The following KIAA2012 variants were observed in gnomAD, a reference collection of about 807,000 sequenced individuals.
KIAA2012 encodes uncharacterized protein KIAA2012.
A neutral mutation model predicts 150.6 loss-of-function variants in KIAA2012; 125 were observed. The ratio of observed to expected loss-of-function variants is 0.83; its 90% CI spans 0.72 to 0.96. The LOEUF is 0.96. Among genes scored for constraint, KIAA2012 ranks in the 40% least tolerant of loss-of-function variants. The probability of loss-of-function intolerance (pLI) is 0.00; values close to 1 mark genes in which losing one functional copy is unlikely to be tolerated. For missense variants in KIAA2012, 1,219 were observed against 1,354.9 expected (o/e 0.90, Z 1.57); for synonymous variants, 462 against 504.7 (o/e 0.92, Z 1.13).
At chr2:202,179,267 T>G (rs1692066462) in intron 15 of KIAA2012, 1 of 1,082,190 alleles carries the variant, frequency 9.2e-7, no homozygotes, top group African/African-American at 1.6e-5. Flanking sequence ...AAACTGTACA[T>G]ACTTGTGCTT....
chr2:202,082,219 T>C (rs2105910144), intron 2 of KIAA2012, among the ~76,000 whole-genome samples: 1 of 152,206 alleles, frequency 6.6e-6, no homozygotes, highest in South Asian at 2.1e-4. Context: ...TTCTGAATAA[T>C]TGGTTCATGC....
chr2:202,201,977 T>C, intron 22 of KIAA2012: 1 of 652,200 alleles, frequency 1.5e-6, no homozygotes, highest in Non-Finnish European at 2.7e-6. Context: ...CACGTGACAG[T>C]CCATCTGTCT....
At position 202,075,113 on chromosome 2, in the gene KIAA2012, G is replaced by C. The variant is rs16838742; in HGVS notation, c.307G>C (p.Asp103His). ...YCPRGPWRKL[D>H]LELHTLQDLK... ...CCCCAGAGGTCCCTGGAGGAAGCTG[G>C]ATCTTGAACTGCACACACTTCAAGA... The change falls in exon 2 of 24, where the codon GAT (aspartate) becomes CAT (histidine). Residue 103 changes from aspartate to histidine, a missense_variant. Asp to His is a moderately conservative substitution (Grantham distance 81). Coordinates refer to ENST00000498697, the MANE Select transcript of KIAA2012 (RefSeq NM_001277372.4). 0.095 allele frequency: 147,451 copies of C among 1,550,288 alleles called. 10,353 individuals carry two copies. Among genetic ancestry groups the C allele is most frequent in the East Asian group, 0.35 (14,311 of 40,898 alleles).
At chr2:202,082,117 C>A (rs1407929705) in intron 2 of KIAA2012, among the ~76,000 whole-genome samples, 1 of 152,132 alleles carries the variant, frequency 6.6e-6, no homozygotes, top group East Asian at 1.9e-4. Flanking sequence ...ATTTGTATAT[C>A]TTTTCTAAAG....
intron 15 of KIAA2012, among the ~76,000 whole-genome samples, chr2:202,172,745 C>CA (rs1232907432): frequency 2.0e-5 from 3 of 152,194 alleles, no homozygotes; most frequent in African/African-American, 7.2e-5. Flanking sequence ...TTCCTCCTAA[C>CA]ACTGTGGAGA....
chr2:202,194,781 T>G (rs1692384740), intron 21 of KIAA2012, among the ~76,000 whole-genome samples: 1 of 151,644 alleles, frequency 6.6e-6, no homozygotes, highest in African/African-American at 2.4e-5. Flanking sequence ...TTGTTTTTGT[T>G]TTTTTGAGTC....
intron 4 of KIAA2012, among the ~76,000 whole-genome samples, chr2:202,095,852 GGC>G (rs1689857444): frequency 6.6e-6 from 1 of 152,174 alleles, no homozygotes; most frequent in Non-Finnish European, 1.5e-5. Context: ...GGTAGGTTGA[GGC>G]GGGTGGATCA....
intron 3 of KIAA2012, 111 bp from the exon 4 acceptor site, chr2:202,092,919 G>A (rs1047032904): frequency 1.2e-5 from 10 of 851,008 alleles, no homozygotes; most frequent in African/African-American, 1.0e-4. Flanking sequence ...CTTCCCTAAT[G>A]GGCAATGTCC....
chr2:202,097,331 G>A (rs1456980186), intron 4 of KIAA2012, 104 bp from the exon 5 acceptor site: 2 of 1,496,162 alleles, frequency 1.3e-6, no homozygotes, highest in Non-Finnish European at 1.8e-6. Flanking sequence ...GGAGGGCCTT[G>A]AGCACTTTTA....
At chr2:202,172,843 G>C (rs1037565534) in intron 15 of KIAA2012, among the ~76,000 whole-genome samples, 1 of 152,212 alleles carries the variant, frequency 6.6e-6, no homozygotes, top group Admixed American at 6.5e-5. Context: ...CCATGCAAAG[G>C]TCTGGGGCTC....
Position 202,075,190 on chromosome 2 carries a change from C to T in KIAA2012, c.369+15C>T. ...GAAGGCAGCAGGTAGGCAGAACGCT[C>T]CCTTGGGTTTGGGGAAGGTGCTGGT... On this transcript the variant is annotated intron_variant, in intron 2 of 23. Transcript: ENST00000498697. 2.6e-6 allele frequency: 4 copies of T among 1,526,638 alleles called. No individual in the cohort carries two copies. In the South Asian group the frequency reaches 5.0e-5, roughly 19 times the overall value. The allele number at this position is 1,526,638 out of a possible 1,614,324, so 94.6% of individuals were successfully genotyped here. A position where few individuals can be genotyped will look rare whatever the true frequency, so the allele number is the denominator to read the frequency against.
intron 11 of KIAA2012, among the ~76,000 whole-genome samples, chr2:202,120,489 G>T (rs1454465660): frequency 6.6e-6 from 1 of 152,190 alleles, no homozygotes; most frequent in African/African-American, 2.4e-5. Context: ...CTCAAACCCA[G>T]ATCTTCCTTC....
chr2:202,110,375 C>T (rs564678761), intron 10 of KIAA2012, among the ~76,000 whole-genome samples: 45 of 152,328 alleles, frequency 3.0e-4, no homozygotes, highest in African/African-American at 1.0e-3. Context: ...GCAAGAGCAG[C>T]TCCCCCGGGG....
chr2:202,159,224 G>T (rs142275112), intron 14 of KIAA2012, among the ~76,000 whole-genome samples: 4 of 152,322 alleles, frequency 2.6e-5, no homozygotes, highest in African/African-American at 9.6e-5. Flanking sequence ...TGCCTTAGGA[G>T]ATAAGTTCTT....
intron 14 of KIAA2012, among the ~76,000 whole-genome samples, chr2:202,161,213 C>G (rs1691647992): frequency 6.6e-6 from 1 of 152,074 alleles, no homozygotes; most frequent in Non-Finnish European, 1.5e-5. Context: ...TGTACTTCAG[C>G]CACCGGAGAA....
chr2:202,114,432 C>A (rs1690461769), intron 11 of KIAA2012: 1 of 167,144 alleles, frequency 6.0e-6, no homozygotes, highest in Non-Finnish European at 1.5e-5. Context: ...TATCTTGGTT[C>A]TGAATTGGTG....
chr2:202,189,378 G>A (rs550756437), intron 18 of KIAA2012, among the ~76,000 whole-genome samples: 3 of 150,536 alleles, frequency 2.0e-5, no homozygotes, highest in East Asian at 2.0e-4. Context: ...TGCAACCTCC[G>A]CCTCCTGGGT....
In KIAA2012 at chr2:202,097,434, G is replaced by C; in HGVS notation, c.686-1G>C. On this transcript the variant is annotated splice_acceptor_variant, in intron 4 of 23. Coordinates refer to ENST00000498697, the MANE Select transcript of KIAA2012 (RefSeq NM_001277372.4). LOFTEE classifies it high-confidence loss of function. ...AGCTGACCCATTGTTCACCATTGCA[G>C]GTCAACAGGGCCTGGATGAAGGGGA... The C allele has an allele frequency of 6.4e-7, 1 of 1,550,498 alleles. No homozygotes were observed. Among genetic ancestry groups the C allele is most frequent in the Non-Finnish European group, 8.7e-7 (1 of 1,146,940 alleles).
intron 22 of KIAA2012, chr2:202,201,919 G>C (rs1422815237): frequency 3.5e-6 from 3 of 859,270 alleles, no homozygotes; most frequent in Non-Finnish European, 5.9e-6. Context: ...CTCGGCATCA[G>C]GGACGGTTAT....
Sources: gnomAD v4.1 joint callset for allele counts (sites outside exome capture counted in the v4.1 genomes callset) on GRCh38, gnomAD v4.1.1 for gene constraint, MANE v1.5 for transcripts, NCBI Gene and HGNC (gene_info 2026-07-23, HGNC 2026-07-21) for gene names.